The following ZNF106 variants were observed in gnomAD, a reference collection of about 807,000 sequenced individuals.
The protein encoded by ZNF106 is SH3-domain binding protein 3.
Under a neutral mutation model 195.1 loss-of-function variants are expected in ZNF106, and 67 were observed. The observed-to-expected ratio is 0.34, with a 90% CI of 0.28 to 0.42. The LOEUF (loss-of-function observed/expected upper bound fraction) is 0.42. Among genes scored for constraint, ZNF106 ranks in the 10% least tolerant of loss-of-function variants. The pLI is 1.00. For synonymous variants in ZNF106, 784 were observed against 818.6 expected, an observed-to-expected ratio of 0.96 and a Z score of 0.72; for missense variants, 2,118 against 2,304.5, an observed-to-expected ratio of 0.92 and a Z score of 1.66.
intron 4 of ZNF106, among the ~76,000 whole-genome samples, chr15:42,456,056 T>G (rs533496702): frequency 6.6e-6 from 1 of 152,326 alleles, no homozygotes; most frequent in East Asian, 1.9e-4. Context: ...GCTTAAATTA[T>G]CTTGACACTT....
At chr15:42,449,425 C>A (rs1298037071) in intron 5 of ZNF106, among the ~76,000 whole-genome samples, 2 of 152,148 alleles carry the variant, frequency 1.3e-5, no homozygotes, top group African/African-American at 4.8e-5. Flanking sequence ...AAATTAAGAT[C>A]TAGAAAAAGA....
chr15:42,473,259 C>A (rs917286039), intron 1 of ZNF106, among the ~76,000 whole-genome samples: 7 of 152,178 alleles, frequency 4.6e-5, no homozygotes, highest in Non-Finnish European at 1.5e-5. Flanking sequence ...TGGTCCCAAG[C>A]ATTTCGGATA....
Position 42,439,038 on chromosome 15 carries a change from A to G in ZNF106, c.4539T>C (p.Pro1513=). 6.2e-7 allele frequency: 1 copy of G among 1,611,782 alleles called. No individual in the cohort carries two copies. The highest frequency in any genetic ancestry group is 8.5e-7 in the Non-Finnish European group (1 of 1,178,810). ...GACCAATACAATATTCTTACCTTAC[A>G]GGGATGCCATCTTTATAGCGAGTGC... ...EIGTRYKDGI[P]VSVAETQTVI... Residue 1513 remains proline, a synonymous_variant, in exon 11 of 22, where the codon CCT becomes CCC. Coordinates refer to ENST00000564754, the MANE Select transcript of ZNF106 (RefSeq NM_001366845.3).
Position 42,413,139 on chromosome 15 carries a change from A to G in ZNF106, c.*4165T>C, listed in dbSNP as rs2054324675. ...ACCTTGAATTTAGAGTGAATCTGGG[A>G]AATGTAGTCACCAGGTAACCCAGCA... On this transcript the variant is annotated 3_prime_UTR_variant, in exon 22 of 22. Transcript: ENST00000564754. 1 of 152,168 alleles carries G rather than the reference A, an allele frequency of 6.6e-6. No homozygotes were observed. The highest frequency in any genetic ancestry group is 2.4e-5 in the African/African-American group (1 of 41,438). 9.4% of individuals were successfully genotyped at this position (152,168 alleles called of 1,614,324 possible).
intron 3 of ZNF106, among the ~76,000 whole-genome samples, chr15:42,460,631 C>A (rs1016497751): frequency 6.6e-6 from 1 of 152,146 alleles, no homozygotes; most frequent in Non-Finnish European, 1.5e-5. Flanking sequence ...GAGGCCGAGG[C>A]AGGCAGATCA....
intron 13 of ZNF106, 22 bp downstream of exon 13, chr15:42,437,210 T>C: frequency 6.3e-7 from 1 of 1,591,504 alleles, no homozygotes; most frequent in Non-Finnish European, 8.6e-7. Flanking sequence ...CCAAAAACAT[T>C]CTACATGTTC....
At chr15:42,463,809 G>A (rs1447188558) in intron 3 of ZNF106, among the ~76,000 whole-genome samples, 1 of 151,894 alleles carries the variant, frequency 6.6e-6, no homozygotes, top group Non-Finnish European at 1.5e-5. Context: ...TCTCAAAAAA[G>A]TATATATTAA....
In ZNF106 at chr15:42,449,798, T is replaced by C. The variant is rs773509399; in HGVS notation, c.2474A>G (p.Lys825Arg). ...GGGTAAGCCTTTGCCCAGCTCTTGC[T>C]TTTTCTTGGTTACTTGCTGAATGAC... is the stretch of plus-strand genomic sequence containing the variant. ...EQVIQQVTKK[K>R]QELGKGLPRF... Residue 825 changes from lysine to arginine, a missense_variant, in exon 5 of 22, where the codon AAG becomes AGG. Transcript: ENST00000564754. The C allele has an allele frequency of 5.0e-6, 8 of 1,613,996 alleles. No individual in the cohort carries two copies. The highest frequency in any genetic ancestry group is 1.7e-5 in the Admixed American group (1 of 60,004).
rs1378157073 is a variant in ZNF106 at position 42,442,278 on chromosome 15, T to C, written c.3558A>G (p.Pro1186=). The change falls in exon 10 of 22, where the codon CCA becomes CCG. Residue 1186 remains proline, a synonymous_variant. Transcript: ENST00000564754. ...TGGGTGATGGAGACACATGGGAAGA[T>C]GGAGGCTCCAGAAAAAGTGGGAAAA... The part of the protein sequence containing the change: ...TPFFPLFLEP[P]SSHVSPSPTG... 3.7e-6 allele frequency: 6 copies of C among 1,613,988 alleles called. No individual in the cohort carries two copies. In the African/African-American group the frequency reaches 6.7e-5, roughly 18 times the overall value.
chr15:42,422,154 A>G (rs2054686827), intron 18 of ZNF106, among the ~76,000 whole-genome samples, 166 bp from the exon 19 acceptor site: 1 of 152,172 alleles, frequency 6.6e-6, no homozygotes, highest in African/African-American at 2.4e-5. Flanking sequence ...TTTCTTTTAC[A>G]TTCTACTACT....
intron 4 of ZNF106, 132 bp from the exon 5 acceptor site, chr15:42,452,086 C>A: frequency 1.1e-6 from 1 of 879,616 alleles, no homozygotes; most frequent in Non-Finnish European, 1.7e-6. Context: ...GGTTTTATAT[C>A]TAATAGTGGT....
At chr15:42,418,341 T>C (rs2054528791) in intron 20 of ZNF106, among the ~76,000 whole-genome samples, 1 of 151,246 alleles carries the variant, frequency 6.6e-6, no homozygotes, top group Non-Finnish European at 1.5e-5. Flanking sequence ...ATACCTTTCC[T>C]ATAATATCGA....
intron 14 of ZNF106, among the ~76,000 whole-genome samples, chr15:42,430,584 C>T (rs1172011353): frequency 6.6e-6 from 1 of 151,838 alleles, no homozygotes; most frequent in African/African-American, 2.4e-5. Context: ...GAGGTCTCGC[C>T]ATGTTGCCTA....
chr15:42,441,911 T>A (rs1404710119), intron 10 of ZNF106, 162 bp downstream of exon 10: 1 of 489,884 alleles, frequency 2.0e-6, no homozygotes, highest in South Asian at 4.7e-5. Flanking sequence ...CTCTAAAATA[T>A]TTTAAAAGAA....
chr15:42,462,664 C>A (rs973850673), intron 3 of ZNF106, among the ~76,000 whole-genome samples: 1 of 152,090 alleles, frequency 6.6e-6, no homozygotes, highest in Non-Finnish European at 1.5e-5. Context: ...TACGCACCAA[C>A]CATTGAGTCT....
At chr15:42,488,712 C>G (rs1439749749) in intron 1 of ZNF106, among the ~76,000 whole-genome samples, 1 of 152,212 alleles carries the variant, frequency 6.6e-6, no homozygotes, top group Non-Finnish European at 1.5e-5. Context: ...CTTCAGACTA[C>G]ACGTGCACTA....
intron 7 of ZNF106, 145 bp from the exon 8 acceptor site, chr15:42,445,126 TCAAGCA>T (rs2055720477): frequency 1.0e-6 from 1 of 997,270 alleles, no homozygotes; most frequent in Non-Finnish European, 1.4e-6. Context: ...AAACATTTAG[TCAAGCA>T]CAATGATATC....
At chr15:42,453,662 C>A (rs2056124350) in intron 4 of ZNF106, among the ~76,000 whole-genome samples, 1 of 150,450 alleles carries the variant, frequency 6.6e-6, no homozygotes, top group African/African-American at 2.5e-5. Context: ...ATGGCACGAT[C>A]TTGGCTCACT....
At chr15:42,489,244 C>T (rs1289302168) in intron 1 of ZNF106, among the ~76,000 whole-genome samples, 1 of 150,024 alleles carries the variant, frequency 6.7e-6, no homozygotes, top group African/African-American at 2.4e-5. Flanking sequence ...ATGGCACAAT[C>T]CTGGCTCACT....
Sources: allele counts gnomAD v4.1 joint callset (sites outside exome capture counted in the v4.1 genomes callset), GRCh38; gene constraint gnomAD v4.1.1; transcripts MANE v1.5; gene names NCBI Gene and HGNC (gene_info 2026-07-23, HGNC 2026-07-21).